ABCA13: variants seen among roughly 807,000 people sequenced by gnomAD.
The protein encoded by ABCA13 is ATP binding cassette subfamily A member 13.
Under a neutral mutation model 478.7 loss-of-function variants are expected in ABCA13, and 476 were observed. That is an observed-to-expected ratio of 0.99 (90% CI 0.92 to 1.07). ABCA13 has a LOEUF of 1.07. Among genes scored for constraint, ABCA13 ranks in the 50% least tolerant of loss-of-function variants. The pLI is 0.00. For synonymous variants in ABCA13, 2,252 were observed against 2,158.9 expected, an observed-to-expected ratio of 1.04 and a Z score of -1.20; for missense variants, 6,060 against 5,910.6, an observed-to-expected ratio of 1.03 and a Z score of -0.83.
chr7:48,259,150 C>G (rs1454709147), intron 15 of ABCA13, among the ~76,000 whole-genome samples: 2 of 152,010 alleles, frequency 1.3e-5, no homozygotes, highest in Admixed American at 1.3e-4. Flanking sequence ...AAGTTCAAGT[C>G]CCAAATATTT....
At chr7:48,425,968 C>T (rs971599576) in intron 41 of ABCA13, among the ~76,000 whole-genome samples, 5 of 152,016 alleles carry the variant, frequency 3.3e-5, no homozygotes, top group African/African-American at 9.7e-5. Flanking sequence ...GTCTCGATCT[C>T]CTGACCTCGT....
chr7:48,315,549 G>A (rs751662254), intron 26 of ABCA13, among the ~76,000 whole-genome samples: 24 of 150,582 alleles, frequency 1.6e-4, no homozygotes, highest in Non-Finnish European at 2.7e-4. Flanking sequence ...GCTTGATCTC[G>A]GCTCACCACA....
rs547024143 is a variant in ABCA13 at position 48,462,443 on chromosome 7, T to TCCCC, written c.12816-4506_12816-4503dup. Among the ~76,000 whole-genome samples, 3 of 148,278 alleles carry TCCCC rather than the reference T, an allele frequency of 2.0e-5. No individual in the cohort carries two copies. In the South Asian group the frequency reaches 6.5e-4, roughly 32 times the overall value. On this transcript the variant is annotated intron_variant, in intron 43 of 61. Transcript: ENST00000435803. ...CTTCTTTATCCTTGGAGTAAAGGATTCCCCCCCCCCTACTGTTTCCTTATC... is the reference window on the plus strand; with the variant it reads ...CTTCTTTATCCTTGGAGTAAAGGATTCCCCCCCCCCCCCCTACTGTTTCCTTATC...
intron 23 of ABCA13, among the ~76,000 whole-genome samples, chr7:48,301,344 G>A (rs189968185): frequency 3.9e-5 from 6 of 152,184 alleles, no homozygotes; most frequent in East Asian, 1.9e-4. Flanking sequence ...TGTCGGTTGC[G>A]ACATTAACAG....
intron 35 of ABCA13, among the ~76,000 whole-genome samples, chr7:48,378,933 A>C (rs551510724): frequency 4.9e-4 from 75 of 152,342 alleles, no homozygotes; most frequent in African/African-American, 1.5e-3. Context: ...CCACCTTTGA[A>C]TGGCAGACAC....
intron 47 of ABCA13, among the ~76,000 whole-genome samples, chr7:48,487,485 G>A (rs1563338233): frequency 1.3e-5 from 2 of 149,012 alleles, no homozygotes; most frequent in Non-Finnish European, 3.0e-5. Context: ...TCATTTTTAA[G>A]TTTTTTTTTT....
chr7:48,426,760 G>A (rs1397937522), intron 41 of ABCA13, among the ~76,000 whole-genome samples: 4 of 152,132 alleles, frequency 2.6e-5, no homozygotes, highest in Non-Finnish European at 4.4e-5. Context: ...CACAGAGAAC[G>A]TTCAGGAAAC....
chr7:48,366,072 C>T (rs1811620574), intron 31 of ABCA13, among the ~76,000 whole-genome samples: 2 of 152,100 alleles, frequency 1.3e-5, no homozygotes, highest in Admixed American at 1.3e-4. Flanking sequence ...AAGCTGGAGG[C>T]ATCACACTAC....
At chr7:48,445,675 CT>C (rs1462959822) in intron 42 of ABCA13, among the ~76,000 whole-genome samples, 4 of 152,178 alleles carry the variant, frequency 2.6e-5, no homozygotes, top group African/African-American at 9.7e-5. Context: ...TCATGCTCCC[CT>C]CTTATGCTTC....
At chr7:48,638,499 G>T (rs1794863637) in intron 59 of ABCA13, among the ~76,000 whole-genome samples, 1 of 152,194 alleles carries the variant, frequency 6.6e-6, no homozygotes, top group South Asian at 2.1e-4. Flanking sequence ...GAATGTGAGT[G>T]CCAGCTGCCA....
chr7:48,271,556 TG>T (rs940319533), intron 16 of ABCA13, among the ~76,000 whole-genome samples: 62 of 152,308 alleles, frequency 4.1e-4, no homozygotes, highest in African/African-American at 1.4e-3. Context: ...TAATTGAGAA[TG>T]CTTTCTTTTT....
chr7:48,644,481 C>A, intron 60 of ABCA13, 136 bp from the exon 61 acceptor site: 1 of 925,930 alleles, frequency 1.1e-6, no homozygotes, highest in Non-Finnish European at 1.6e-6. Context: ...AATAAGCATT[C>A]ATTGGAGACT....
intron 3 of ABCA13, among the ~76,000 whole-genome samples, chr7:48,201,994 C>T (rs1283685833): frequency 6.6e-6 from 1 of 151,678 alleles, no homozygotes; most frequent in African/African-American, 2.4e-5. Context: ...CACGGCGTGT[C>T]TGGAGTTGTT....
chr7:48,286,395 T>A (rs1797745310), intron 19 of ABCA13, among the ~76,000 whole-genome samples: 1 of 152,200 alleles, frequency 6.6e-6, no homozygotes, highest in African/African-American at 2.4e-5. Flanking sequence ...AGTTTTTGTC[T>A]TTTCCAGCAC....
At chr7:48,264,867 G>A (rs1384801474) in intron 15 of ABCA13, among the ~76,000 whole-genome samples, 2 of 151,588 alleles carry the variant, frequency 1.3e-5, no homozygotes, top group East Asian at 1.9e-4. Context: ...TCACAGGGTT[G>A]CAAAGATTTT....
chr7:48,273,600 A>C lies in ABCA13; in HGVS notation c.3934A>C (p.Asn1312His), dbSNP rs539238008. The C allele has an allele frequency of 6.3e-7, 1 of 1,593,786 alleles. No individual in the cohort carries two copies. Among genetic ancestry groups the C allele is most frequent in the Non-Finnish European group, 8.6e-7 (1 of 1,168,528 alleles). ...LDSINDFLSN[N>H]LTNYGEKFEN... is the part of the protein sequence containing the mutation. ...TTCAATAAATGACTTTCTTTCAAAT[A>C]ATCTCACAAATTATGGAGAAAAATT... The change falls in exon 17 of 62, where the codon AAT becomes CAT. Residue 1312 changes from asparagine (N) to histidine (H), a missense_variant. Around this residue, in one of 3 missense-constraint regions of ABCA13, gnomAD observed 4,423 missense variants for 4,309.1 expected, o/e 1.03. Transcript: ENST00000435803.
At chr7:48,183,690 T>C (rs1266626929) in intron 1 of ABCA13, among the ~76,000 whole-genome samples, 2 of 152,206 alleles carry the variant, frequency 1.3e-5, no homozygotes, top group Admixed American at 1.3e-4. Context: ...TTCACTGCTA[T>C]TTCCCCAGTC....
At chr7:48,227,979 G>T (rs1348788715) in intron 6 of ABCA13, among the ~76,000 whole-genome samples, 2 of 152,212 alleles carry the variant, frequency 1.3e-5, no homozygotes, top group Non-Finnish European at 2.9e-5. Context: ...GTTACCTGGG[G>T]TGACCTTTGG....
At chr7:48,382,840 C>T (rs1249062505) in intron 35 of ABCA13, among the ~76,000 whole-genome samples, 2 of 151,710 alleles carry the variant, frequency 1.3e-5, no homozygotes, top group Non-Finnish European at 1.5e-5. Context: ...ATTGGCGTGT[C>T]CCTCGTACCA....
Sources: allele counts gnomAD v4.1 joint callset (sites outside exome capture counted in the v4.1 genomes callset), GRCh38; gene constraint gnomAD v4.1.1; regional missense constraint gnomAD v4.1.1; transcripts MANE v1.5; gene names NCBI Gene and HGNC (gene_info 2026-07-23, HGNC 2026-07-21).